Variants in PDGFD observed in about 807,000 individuals in gnomAD.
The protein encoded by PDGFD is platelet-derived growth factor D.
Under a neutral mutation model 44.7 loss-of-function variants are expected in PDGFD, and 30 were observed. The ratio of observed to expected loss-of-function variants is 0.67; its 90% CI spans 0.50 to 0.91. The LOEUF (loss-of-function observed/expected upper bound fraction) is 0.91, where lower values mean the gene tolerates loss of function less well. Among genes scored for constraint, PDGFD ranks in the 40% least tolerant of loss-of-function variants. The pLI is 0.00. For missense variants in PDGFD, 445 were observed against 457.8 expected, an observed-to-expected ratio of 0.97 and a Z score of 0.25; for synonymous variants, 173 against 168.4, an observed-to-expected ratio of 1.03 and a Z score of -0.21.
At chr11:104,001,386 T>C (rs1308842047) in intron 1 of PDGFD, among the ~76,000 whole-genome samples, 3 of 152,234 alleles carry the variant, frequency 2.0e-5, no homozygotes, top group African/African-American at 7.2e-5. Context: ...ATATCCTTTA[T>C]AGGAGGACTT....
chr11:103,961,940 ACCT>A (rs1414323989), intron 3 of PDGFD, among the ~76,000 whole-genome samples: 1 of 152,116 alleles, frequency 6.6e-6, no homozygotes, highest in Non-Finnish European at 1.5e-5. Flanking sequence ...CCACATCTTC[ACCT>A]CCTCTGCTCA....
At chr11:103,991,061 C>T (rs1377171987) in intron 3 of PDGFD, among the ~76,000 whole-genome samples, 1 of 151,922 alleles carries the variant, frequency 6.6e-6, no homozygotes, top group South Asian at 2.1e-4. Flanking sequence ...ATGGCAGGAA[C>T]CCAGGAGACG....
chr11:104,036,222 T>C (rs1860229557), intron 1 of PDGFD, among the ~76,000 whole-genome samples: 1 of 152,116 alleles, frequency 6.6e-6, no homozygotes, highest in Non-Finnish European at 1.5e-5. Context: ...GGGGGATTGC[T>C]TGAGCCCAGG....
Position 104,104,800 on chromosome 11 carries a change from T to G in PDGFD, c.124+59004A>C, listed in dbSNP as rs577800664. 3.2e-4 allele frequency among the ~76,000 whole-genome samples: 49 copies of G among 152,268 alleles called. No homozygotes were observed. In the South Asian group the frequency reaches 9.7e-3, roughly 30 times the overall value. On this transcript the variant is annotated intron_variant, in intron 1 of 6. Transcript: ENST00000393158. Reference sequence around the variant, plus strand: ...ACAGAAACTTCTCTGAAGAAGATTCTAAGTCTCTGAATACTACCTATCACC... The same window carrying G: ...ACAGAAACTTCTCTGAAGAAGATTCGAAGTCTCTGAATACTACCTATCACC...
intron 1 of PDGFD, among the ~76,000 whole-genome samples, chr11:104,108,709 C>T (rs1327022903): frequency 6.6e-6 from 1 of 152,032 alleles, no homozygotes; most frequent in African/African-American, 2.4e-5. Context: ...GGGTATATAC[C>T]CAAAGGATTA....
chr11:104,150,281 A>C (rs1436062016), intron 1 of PDGFD, among the ~76,000 whole-genome samples: 2 of 152,198 alleles, frequency 1.3e-5, no homozygotes, highest in African/African-American at 4.8e-5. Context: ...ATAAGATTTC[A>C]AGCCAAAAAT....
chr11:103,911,531 C>A (rs1015709375), intron 6 of PDGFD, among the ~76,000 whole-genome samples: 125 of 152,210 alleles, frequency 8.2e-4, no homozygotes, highest in African/African-American at 3.0e-3. Context: ...AAAACCAGTG[C>A]AGAAACACTG....
intron 3 of PDGFD, among the ~76,000 whole-genome samples, chr11:103,948,949 A>AAAAT (rs113182425): frequency 1.5e-4 from 22 of 145,744 alleles, no homozygotes; most frequent in Non-Finnish European, 2.8e-4. Flanking sequence ...TTAAAGTAAA[A>AAAAT]AAAGAAAGAA....
At chr11:104,036,229 C>T (rs1025544962) in intron 1 of PDGFD, among the ~76,000 whole-genome samples, 1 of 151,898 alleles carries the variant, frequency 6.6e-6, no homozygotes, top group Non-Finnish European at 1.5e-5. Flanking sequence ...TGCTTGAGCC[C>T]AGGAGTTGGA....
At chr11:104,081,331 A>G (rs1861042621) in intron 1 of PDGFD, among the ~76,000 whole-genome samples, 1 of 152,138 alleles carries the variant, frequency 6.6e-6, no homozygotes. Flanking sequence ...ATAGAGTTGC[A>G]TTTTCAGGCT....
chr11:104,114,365 A>C (rs925004040), intron 1 of PDGFD, among the ~76,000 whole-genome samples: 1 of 151,728 alleles, frequency 6.6e-6, no homozygotes, highest in Non-Finnish European at 1.5e-5. Context: ...TCTTCTCTCC[A>C]TTAGGTTGTC....
At chr11:104,082,614 AC>A (rs1417748099) in intron 1 of PDGFD, among the ~76,000 whole-genome samples, 2 of 101,318 alleles carry the variant, frequency 2.0e-5, no homozygotes, top group African/African-American at 7.9e-5. Flanking sequence ...TAATTAAAAC[AC>A]ATAAATAAAT....
At chr11:104,151,781 T>A (rs1205599661) in intron 1 of PDGFD, among the ~76,000 whole-genome samples, 1 of 152,144 alleles carries the variant, frequency 6.6e-6, no homozygotes, top group African/African-American at 2.4e-5. Flanking sequence ...ATAACTTAAT[T>A]ATAAGGGGTT....
At chr11:103,916,278 G>C (rs7942005) in intron 6 of PDGFD, among the ~76,000 whole-genome samples, 69,598 of 151,882 alleles carry the variant, frequency 0.46, 16,038 homozygotes, top group South Asian at 0.49. Context: ...ATGGGCAAAG[G>C]ATATGAGCAG....
chr11:103,961,799 T>C (rs1858940041), intron 3 of PDGFD, among the ~76,000 whole-genome samples: 1 of 152,174 alleles, frequency 6.6e-6, no homozygotes, highest in African/African-American at 2.4e-5. Context: ...GATCACCCTT[T>C]TCCTACATAC....
chr11:104,033,058 G>GTA (rs1337145125), intron 1 of PDGFD, among the ~76,000 whole-genome samples: 2 of 150,370 alleles, frequency 1.3e-5, no homozygotes, highest in African/African-American at 4.9e-5. Context: ...GGGTGTGTGT[G>GTA]TGTGTGTGTG....
intron 6 of PDGFD, among the ~76,000 whole-genome samples, chr11:103,914,092 G>C (rs1858074783): frequency 6.6e-6 from 1 of 152,212 alleles, no homozygotes; most frequent in South Asian, 2.1e-4. Flanking sequence ...AGGCAAAAGA[G>C]ATAGCGAGAG....
At chr11:104,139,224 A>G (rs1862050407) in intron 1 of PDGFD, among the ~76,000 whole-genome samples, 1 of 152,210 alleles carries the variant, frequency 6.6e-6, no homozygotes, top group Admixed American at 6.5e-5. Flanking sequence ...GGAGTAAGAA[A>G]GCTGGTAAGG....
chr11:104,118,785 T>A (rs1320550657), intron 1 of PDGFD, among the ~76,000 whole-genome samples: 26 of 111,658 alleles, frequency 2.3e-4, no homozygotes, highest in African/African-American at 8.1e-4. Flanking sequence ...TATAATATAT[T>A]ATATATTATA....
Sources: allele counts gnomAD v4.1 joint callset (sites outside exome capture counted in the v4.1 genomes callset), GRCh38; gene constraint gnomAD v4.1.1; transcripts MANE v1.5; gene names NCBI Gene and HGNC (gene_info 2026-07-23, HGNC 2026-07-21).